Variants in SLFN14 observed in about 807,000 individuals in gnomAD.
SLFN14 encodes schlafen family member 14, also known as protein SLFN14.
SLFN14 carries 47 observed loss-of-function variants against 58.6 expected under a neutral mutation model. The ratio of observed to expected loss-of-function variants is 0.80; its 90% CI spans 0.64 to 1.02. The LOEUF is 1.02. SLFN14 is among the 50% of genes least tolerant of loss of function. The pLI, the probability that SLFN14 is intolerant of heterozygous loss-of-function variation, is 0.00. For missense variants in SLFN14, 967 were observed against 1,078.4 expected, an observed-to-expected ratio of 0.90 and a Z score of 1.45; for synonymous variants, 390 against 387.3, an observed-to-expected ratio of 1.01 and a Z score of -0.08.
chr17:35,557,054 TGACA>T lies in SLFN14; in HGVS notation c.1005_1008del (p.Val336HisfsTer3). On this transcript the variant is annotated frameshift_variant, in exon 3 of 6. Coordinates refer to ENST00000674182, the MANE Select transcript of SLFN14 (RefSeq NM_001129820.2). LOFTEE classifies it high-confidence loss of function. ...ACCCACTGCTCAGCTGTCAGCCGTG[TGACA>T]GAATTGTCTTTCATGATCCAGGAAT... is the stretch of plus-strand genomic sequence containing the variant. The T allele has an allele frequency of 6.4e-7, 1 of 1,551,728 alleles. No individual in the cohort carries two copies. Among genetic ancestry groups the T allele is most frequent in the Non-Finnish European group, 8.7e-7 (1 of 1,146,988 alleles).
In SLFN14 at chr17:35,557,369, C is replaced by A. The variant is rs954048710; in HGVS notation, c.694G>T (p.Val232Phe). 4 of 1,551,678 alleles carry A rather than the reference C, an allele frequency of 2.6e-6. No individual in the cohort carries two copies. Among genetic ancestry groups the A allele is most frequent in the Non-Finnish European group, 3.5e-6 (4 of 1,146,994 alleles). Residue 232 changes from valine (V) to phenylalanine (F), a missense_variant, in exon 3 of 6, where the codon GTT (valine) becomes TTT (phenylalanine). Transcript: ENST00000674182. ...CCTTGAGTGTTGGCAAATGCAGAAA[C>A]ATAATGAGGCAGCATTTCCTTAATC... is the stretch of plus-strand genomic sequence containing the variant. ...PRIKEMLPHY[V>F]SAFANTQGGY...
chr17:35,554,217 A>G lies in SLFN14; in HGVS notation c.1189+359T>C, dbSNP rs117401917. Among the ~76,000 whole-genome samples, 159 of 151,366 alleles carry G rather than the reference A, an allele frequency of 1.1e-3. 2 individuals carry two copies. In the East Asian group the frequency reaches 0.02, roughly 19 times the overall value. ...CTCTCAAATTTGGAAAACAAAAGCCATATGTTATGAGAAGTTGGAAGGCAC... is the reference window on the plus strand; with the variant it reads ...CTCTCAAATTTGGAAAACAAAAGCCGTATGTTATGAGAAGTTGGAAGGCAC... On this transcript the variant is annotated intron_variant, in intron 4 of 5. Coordinates refer to ENST00000674182, the MANE Select transcript of SLFN14 (RefSeq NM_001129820.2).
intron 3 of SLFN14, among the ~76,000 whole-genome samples, chr17:35,555,056 C>A (rs928097212): frequency 3.9e-5 from 6 of 152,044 alleles, no homozygotes; most frequent in Non-Finnish European, 5.9e-5. Flanking sequence ...TGGGGATCAG[C>A]AAGGATTAAA....
chr17:35,553,090 A>C lies in SLFN14; in HGVS notation c.1544T>G (p.Leu515Arg), dbSNP rs1396364836. 4.5e-6 allele frequency: 7 copies of C among 1,551,684 alleles called. No homozygotes were observed. In the Admixed American group the frequency reaches 1.4e-4, roughly 30 times the overall value. The change falls in exon 5 of 6, where the codon CTG becomes CGG. Residue 515 changes from leucine (L) to arginine (R), a missense_variant. Coordinates refer to ENST00000674182, the MANE Select transcript of SLFN14 (RefSeq NM_001129820.2). ...KVCIIPRLIH[L>R]SSTQSRPGEI... ...ACCAGGTCTACTCTGTGTGCTGCTCAGGTGTATCAGCCTTGGAATGATGCA... is the reference window on the plus strand; with the variant it reads ...ACCAGGTCTACTCTGTGTGCTGCTCCGGTGTATCAGCCTTGGAATGATGCA...
intron 5 of SLFN14, among the ~76,000 whole-genome samples, chr17:35,551,888 C>T (rs2072591865): frequency 6.6e-6 from 1 of 152,220 alleles, no homozygotes; most frequent in Admixed American, 6.5e-5. Flanking sequence ...AATGGATGCC[C>T]CGGATTCTCC....
chr17:35,549,377 C>A lies in SLFN14; in HGVS notation c.1905-304G>T, dbSNP rs557094854. Among the ~76,000 whole-genome samples the A allele has an allele frequency of 9.2e-5, 14 of 152,328 alleles. No individual in the cohort carries two copies. In the South Asian group the frequency reaches 2.1e-3, roughly 23 times the overall value. On this transcript the variant is annotated intron_variant, in intron 5 of 5. Transcript: ENST00000674182. ...TCCTACTGTTTGGCAATCCTGAAGA[C>A]AAGTTCATTACATCTAAAGGAAATC...
At chr17:35,549,651 C>T (rs2072566564) in intron 5 of SLFN14, among the ~76,000 whole-genome samples, 1 of 152,172 alleles carries the variant, frequency 6.6e-6, no homozygotes, top group Admixed American at 6.5e-5. Flanking sequence ...ATTTACTTAG[C>T]TCAATTTTCC....
chr17:35,555,330 C>T (rs1035240788), intron 3 of SLFN14, among the ~76,000 whole-genome samples: 5 of 151,650 alleles, frequency 3.3e-5, no homozygotes, highest in Non-Finnish European at 4.4e-5. Context: ...CGAGATAGCG[C>T]CACTGCACTC....
At chr17:35,559,322 A>C (rs2072681198) in intron 2 of SLFN14, among the ~76,000 whole-genome samples, 1 of 152,222 alleles carries the variant, frequency 6.6e-6, no homozygotes, top group South Asian at 2.1e-4. Context: ...AAAGAATGTC[A>C]GTTGATACCA....
intron 5 of SLFN14, among the ~76,000 whole-genome samples, chr17:35,549,983 C>T (rs924902397): frequency 2.0e-5 from 3 of 152,160 alleles, no homozygotes; most frequent in Non-Finnish European, 4.4e-5. Flanking sequence ...TAATAAAGAA[C>T]GTAGTCCTCA....
Position 35,553,332 on chromosome 17 carries a change from C to T in SLFN14, c.1302G>A (p.Gly434=), listed in dbSNP as rs184473646. The change falls in exon 5 of 6, where the codon GGG becomes GGA. Residue 434 remains glycine (G), a synonymous_variant. Transcript: ENST00000674182. The part of the protein sequence containing the change: ...MKTLIHPCSQ[G]IVIFSRSWAG... Reference sequence around the variant, plus strand: ...CCCAGCTTCTAGAAAATATCACAATCCCCTGAGAACAAGGATGTATCAGGG... The same window carrying T: ...CCCAGCTTCTAGAAAATATCACAATTCCCTGAGAACAAGGATGTATCAGGG... 1 of 1,551,644 alleles carries T rather than the reference C, an allele frequency of 6.4e-7. No homozygotes were observed. The highest frequency in any genetic ancestry group is 1.4e-5 in the African/African-American group (1 of 73,158).
intron 1 of SLFN14, among the ~76,000 whole-genome samples, 109 bp downstream of exon 1, chr17:35,560,658 C>T (rs140651992): frequency 1.0e-3 from 153 of 152,164 alleles, no homozygotes; most frequent in African/African-American, 3.6e-3. Context: ...TTTTCCTTTA[C>T]AAATTTTCCC....
Position 35,548,288 on chromosome 17 carries a change from C to G in SLFN14, c.2690G>C (p.Arg897Thr). 1.3e-6 allele frequency: 2 copies of G among 1,551,716 alleles called. No homozygotes were observed. Among genetic ancestry groups the G allele is most frequent in the Non-Finnish European group, 1.7e-6 (2 of 1,146,986 alleles). Residue 897 changes from arginine to threonine, a missense_variant, in exon 6 of 6, where the codon AGA becomes ACA. Transcript: ENST00000674182. ...AAGCAGGTAGAGGTGTTTAATGGCT[C>G]TTGAAGCAAAGCAGAGCTTATGAAA... is the stretch of plus-strand genomic sequence containing the variant. Reference protein sequence around the residue: ...EEFHKLCFASRAIKHLYLLYE... With the variant: ...EEFHKLCFASTAIKHLYLLYE...
chr17:35,552,883 T>C lies in SLFN14; in HGVS notation c.1751A>G (p.Gln584Arg), dbSNP rs759752507. ...EQSQLLSESL[Q>R]KTRELFIYCF... The stretch of plus-strand genomic sequence containing the variant: ...GTAGATGAATAATTCACGTGTCTTC[T>C]GAAGACTCTCAGAAAGCAACTGGCT... The change falls in exon 5 of 6, where the codon CAG becomes CGG. Residue 584 changes from glutamine to arginine, a missense_variant. By Grantham distance (43) the Gln-to-Arg change is conservative. Coordinates refer to ENST00000674182, the MANE Select transcript of SLFN14 (RefSeq NM_001129820.2). 13 of 1,551,478 alleles carry C rather than the reference T, an allele frequency of 8.4e-6. No individual in the cohort carries two copies. The South Asian group carries it at 1.4e-4, about 17-fold the overall frequency.
chr17:35,554,655 A>C lies in SLFN14; in HGVS notation c.1110T>G (p.Ala370=). Residue 370 remains alanine (A), a synonymous_variant, in exon 4 of 6, where the codon GCT becomes GCG. Transcript: ENST00000674182. ...TDYNSCLISS[A]SSARKSPGYP... is the part of the protein sequence containing the mutation. ...ATCCGGGACTTTTTCGTGCAGATGA[A>C]GCTGATGAAATCAGGCAAGAGTTGT... The C allele has an allele frequency of 6.7e-7, 1 of 1,503,410 alleles. No homozygotes were observed. Among genetic ancestry groups the C allele is most frequent in the Non-Finnish European group, 8.9e-7 (1 of 1,120,366 alleles). The allele number at this position is 1,503,410 out of a possible 1,614,324, so 93.1% of individuals were successfully genotyped here. A position where few individuals can be genotyped will look rare whatever the true frequency, so the allele number is the denominator to read the frequency against.
rs1181853871 is a variant in SLFN14, at chr17:35,548,920, C to T, written c.2058G>A (p.Ala686=). Residue 686 remains alanine, a synonymous_variant, in exon 6 of 6, where the codon GCG becomes GCA. Coordinates refer to ENST00000674182, the MANE Select transcript of SLFN14 (RefSeq NM_001129820.2). The part of the protein sequence containing the change: ...MKAKNITHPK[A]KGTGSENLHH... ...GAAGGTTTTCACTTCCAGTCCCCTTCGCCTTTGGATGGGTGATGTTCTTAG... is the reference window on the plus strand; with the variant it reads ...GAAGGTTTTCACTTCCAGTCCCCTTTGCCTTTGGATGGGTGATGTTCTTAG... 6.4e-6 allele frequency: 10 copies of T among 1,551,604 alleles called. No homozygotes were observed. The highest frequency in any genetic ancestry group is 3.9e-5 in the Admixed American group (2 of 50,982).
Position 35,553,228 on chromosome 17 carries a change from A to C in SLFN14, c.1406T>G (p.Leu469Arg). The change falls in exon 5 of 6, where the codon CTC becomes CGC. Residue 469 changes from leucine (L) to arginine (R), a missense_variant. Leu to Arg is a moderately radical substitution (Grantham distance 102). Transcript: ENST00000674182. ...LLIAVNSPVVLYTILIDPNWP... is the reference protein window; with the variant it reads ...LLIAVNSPVVRYTILIDPNWP... ...ATTGGGGTCTATTAAGATTGTATAG[A>C]GTACCACGGGGCTGTTAACTGCTAT... is the stretch of plus-strand genomic sequence containing the variant. 6.4e-7 allele frequency: 1 copy of C among 1,551,702 alleles called. No individual in the cohort carries two copies. Among genetic ancestry groups the C allele is most frequent in the Non-Finnish European group, 8.7e-7 (1 of 1,146,996 alleles).
Position 35,553,070 on chromosome 17 carries a change from GT to G in SLFN14, c.1563del (p.Arg521SerfsTer39). On this transcript the variant is annotated frameshift_variant, in exon 5 of 6. Transcript: ENST00000674182. LOFTEE classifies it high-confidence loss of function. ...GGGTAACGCAGGGGGATCTCACCAG[GT>G]CTACTCTGTGTGCTGCTCAGGTGTA... ...RLIHLSSTQS[R>X]PGEIPLRYPR... The G allele has an allele frequency of 6.4e-7, 1 of 1,551,648 alleles. No homozygotes were observed. The highest frequency in any genetic ancestry group is 2.4e-5 in the East Asian group (1 of 40,924).
rs775334903 is a variant in SLFN14 at position 35,545,299 on chromosome 17, A to G, written c.*2940T>C. Among the ~76,000 whole-genome samples the G allele has an allele frequency of 3.8e-4, 58 of 152,332 alleles. No homozygotes were observed. The highest frequency in any genetic ancestry group is 7.6e-4 in the Non-Finnish European group (52 of 68,030). On this transcript the variant is annotated 3_prime_UTR_variant, in exon 6 of 6. Coordinates refer to ENST00000674182, the MANE Select transcript of SLFN14 (RefSeq NM_001129820.2). ...TACAAGTACAATTCAGCAAATATTT[A>G]CTGAGCACCTGCCCTGTGTGAGGCA...
Sources: gnomAD v4.1 joint callset for allele counts (sites outside exome capture counted in the v4.1 genomes callset) on GRCh38, gnomAD v4.1.1 for gene constraint, MANE v1.5 for transcripts, NCBI Gene and HGNC (gene_info 2026-07-23, HGNC 2026-07-21) for gene names.